The following ADARB1 variants were observed in gnomAD, a reference collection of about 807,000 sequenced individuals.
ADARB1 encodes the protein adenosine deaminase RNA specific B1.
In ADARB1, 10 loss-of-function variants were observed where a neutral mutation model predicts 52.4. The observed-to-expected ratio is 0.19, with a 90% CI of 0.12 to 0.32. ADARB1 has a LOEUF of 0.32. Ranked by LOEUF, ADARB1 falls within the 10% of genes least tolerant of loss-of-function variation. The probability of loss-of-function intolerance (pLI) is 1.00; values close to 1 mark genes in which losing one functional copy is unlikely to be tolerated. For missense variants in ADARB1, 643 were observed against 922.3 expected (o/e 0.70, Z 3.92); for synonymous variants, 349 against 371.1 (o/e 0.94, Z 0.68).
At chr21:45,166,952 T>A (rs2091277111) in intron 2 of ADARB1, among the ~76,000 whole-genome samples, 1 of 152,226 alleles carries the variant, frequency 6.6e-6, no homozygotes, top group South Asian at 2.1e-4. Context: ...AATTCTTATT[T>A]GTTTGTAGTT....
intron 9 of ADARB1, among the ~76,000 whole-genome samples, chr21:45,206,280 A>T (rs2092663456): frequency 6.6e-6 from 1 of 152,246 alleles, no homozygotes; most frequent in Non-Finnish European, 1.5e-5. Context: ...GGTGATACTC[A>T]AAAATAGTTG....
chr21:45,173,976 T>G (rs1039147306), intron 3 of ADARB1, among the ~76,000 whole-genome samples: 2 of 152,202 alleles, frequency 1.3e-5, no homozygotes, highest in Non-Finnish European at 2.9e-5. Context: ...CTCTGCTGTC[T>G]TGGCCGAATG....
At chr21:45,156,050 CCCA>C (rs2090575716) in intron 2 of ADARB1, among the ~76,000 whole-genome samples, 1 of 145,240 alleles carries the variant, frequency 6.9e-6, no homozygotes, top group Non-Finnish European at 1.5e-5. Context: ...CACCCAACCA[CCCA>C]CCATCACCCA....
chr21:45,151,365 G>A (rs1226837104), intron 2 of ADARB1, among the ~76,000 whole-genome samples: 1 of 152,260 alleles, frequency 6.6e-6, no homozygotes, highest in Admixed American at 6.5e-5. Flanking sequence ...GCCATGTGCA[G>A]TTGTCACAAG....
intron 2 of ADARB1, among the ~76,000 whole-genome samples, chr21:45,156,973 G>T (rs570410564): frequency 1.3e-5 from 2 of 152,346 alleles, no homozygotes; most frequent in East Asian, 3.9e-4. Flanking sequence ...TTCTCTAGCA[G>T]TGTCTGCCAG....
Position 45,210,879 on chromosome 21 carries a change from C to G in ADARB1, c.1747+6143C>G, listed in dbSNP as rs184518104. Among the ~76,000 whole-genome samples, 542 of 152,356 alleles carry G rather than the reference C, an allele frequency of 3.6e-3. 12 individuals are homozygous for G. Among genetic ancestry groups the G allele is most frequent in the Admixed American group, 0.032 (492 of 15,312 alleles). Reference sequence around the variant, plus strand: ...TCTCAGCCCCACTCCCCCGGCTGCTCCCCTTCATCTACATCCAGTTAGCAT... The same window carrying G: ...TCTCAGCCCCACTCCCCCGGCTGCTGCCCTTCATCTACATCCAGTTAGCAT... On this transcript the variant is annotated intron_variant, in intron 9 of 10. Coordinates refer to ENST00000348831, the MANE Select transcript of ADARB1 (RefSeq NM_001112.4).
In ADARB1 at chr21:45,204,398, G is replaced by T. The variant is rs1202346282; in HGVS notation, c.1566-157G>T. Among the ~76,000 whole-genome samples the T allele has an allele frequency of 1.3e-5, 2 of 152,186 alleles. No homozygotes were observed. Among genetic ancestry groups the T allele is most frequent in the African/African-American group, 2.4e-5 (1 of 41,438 alleles). On this transcript the variant is annotated intron_variant, in intron 8 of 10. Coordinates refer to ENST00000348831, the MANE Select transcript of ADARB1 (RefSeq NM_001112.4). This position sits in a 1 kb window ranked among gnomAD's most constrained non-coding sequence, Gnocchi z 4.4. ...ATTTTTGTCTTTGTGATCGTAAGCT[G>T]CTAAATCAGTCTGTTAACTTTTTGT... is the stretch of plus-strand genomic sequence containing the variant.
At chr21:45,134,979 G>A (rs143365188) in intron 2 of ADARB1, 101 of 369,630 alleles carry the variant, frequency 2.7e-4, no homozygotes, top group African/African-American at 2.0e-3. Flanking sequence ...CTGGCAGGCT[G>A]TAGCCTGTGA....
chr21:45,106,892 C>T (rs1021664147), intron 1 of ADARB1, among the ~76,000 whole-genome samples: 1 of 152,014 alleles, frequency 6.6e-6, no homozygotes, highest in Non-Finnish European at 1.5e-5. Context: ...TGTGCAGTTT[C>T]ATTAGTCAAT....
chr21:45,225,559 G>A lies in ADARB1; in HGVS notation c.*3362G>A. On this transcript the variant is annotated 3_prime_UTR_variant, in exon 11 of 11. Transcript: ENST00000348831. The stretch of plus-strand genomic sequence containing the variant: ...TAATCTCACACAGGTACACTGAGGA[G>A]GGGACGGCTCCGTCTTCACATTGTG... 1 of 1,339,588 alleles carries A rather than the reference G, an allele frequency of 7.5e-7. No individual in the cohort carries two copies. 83.0% of individuals were successfully genotyped at this position (1,339,588 alleles called of 1,614,324 possible).
chr21:45,218,623 C>T (rs1383068975), intron 9 of ADARB1, among the ~76,000 whole-genome samples: 9 of 152,212 alleles, frequency 5.9e-5, no homozygotes, highest in Non-Finnish European at 1.3e-4. Context: ...TCCCTTGACT[C>T]TCAATTCAGG....
At chr21:45,145,519 TG>T (rs1016163100) in intron 2 of ADARB1, 2 of 152,230 alleles carry the variant, frequency 1.3e-5, no homozygotes, top group Admixed American at 6.5e-5. Flanking sequence ...GCCGACCACC[TG>T]CCTGGAACCC....
intron 2 of ADARB1, among the ~76,000 whole-genome samples, chr21:45,141,800 G>T (rs2089738683): frequency 6.6e-6 from 1 of 151,706 alleles, no homozygotes; most frequent in South Asian, 2.1e-4. Context: ...CCACGCCTGG[G>T]CCATGTTAAC....
intron 2 of ADARB1, among the ~76,000 whole-genome samples, chr21:45,163,601 C>T (rs1161871131): frequency 6.6e-6 from 1 of 151,896 alleles, no homozygotes; most frequent in East Asian, 1.9e-4. Context: ...GGGACGCTGA[C>T]TCTGGGCCCT....
rs146796369 is a variant in ADARB1 at position 45,225,878 on chromosome 21, G to A, written c.*3681G>A. 137 of 278,518 alleles carry A rather than the reference G, an allele frequency of 4.9e-4. 1 individual carries two copies. Among genetic ancestry groups the A allele is most frequent in the African/African-American group, 2.7e-3 (125 of 45,926 alleles). The allele number at this position is 278,518 out of a possible 1,614,324, so 17.3% of individuals were successfully genotyped here. ...GTTTACAGCGTCTCTGCCCCCTAGC[G>A]TGTTTTGTGACAATCTCCCTGGGTG... On this transcript the variant is annotated 3_prime_UTR_variant, in exon 11 of 11. Coordinates refer to ENST00000348831, the MANE Select transcript of ADARB1 (RefSeq NM_001112.4).
At chr21:45,110,719 A>T (rs1388831580) in intron 1 of ADARB1, among the ~76,000 whole-genome samples, 2 of 152,080 alleles carry the variant, frequency 1.3e-5, no homozygotes, top group Admixed American at 1.3e-4. Context: ...ATTTATTTTG[A>T]TTGGGTAATT....
At chr21:45,213,561 G>T (rs1398038332) in intron 9 of ADARB1, among the ~76,000 whole-genome samples, 1 of 152,102 alleles carries the variant, frequency 6.6e-6, no homozygotes, top group East Asian at 1.9e-4. Flanking sequence ...CCCTCTCCCC[G>T]ATCCCCATTC....
intron 2 of ADARB1, among the ~76,000 whole-genome samples, chr21:45,129,543 C>T (rs950819183): frequency 2.6e-5 from 4 of 152,218 alleles, no homozygotes; most frequent in Non-Finnish European, 4.4e-5. Flanking sequence ...CCCACTGGGC[C>T]TCAGATGCCC....
At chr21:45,076,715 T>C (rs2085950693) in intron 1 of ADARB1, among the ~76,000 whole-genome samples, 2 of 152,230 alleles carry the variant, frequency 1.3e-5, no homozygotes, top group Admixed American at 6.5e-5. Flanking sequence ...AATTTATGTA[T>C]TGTAAAACAT....
Sources: gnomAD v4.1 joint callset for allele counts (sites outside exome capture counted in the v4.1 genomes callset) on GRCh38, gnomAD v4.1.1 for gene constraint, Gnocchi (gnomAD v3.1) non-coding constraint, MANE v1.5 for transcripts, NCBI Gene and HGNC (gene_info 2026-07-23, HGNC 2026-07-21) for gene names.